GTF3C4: variants seen among roughly 807,000 people sequenced by gnomAD.
GTF3C4 encodes general transcription factor 3C polypeptide 4.
A neutral mutation model predicts 67.5 loss-of-function variants in GTF3C4; 28 were observed. That is an observed-to-expected ratio of 0.41 (90% CI 0.31 to 0.57). GTF3C4 has a LOEUF of 0.57. Ranked by LOEUF, GTF3C4 falls within the 20% of genes least tolerant of loss-of-function variation. The pLI, the probability that GTF3C4 is intolerant of heterozygous loss-of-function variation, is 0.21. For synonymous variants in GTF3C4, 409 were observed against 393.0 expected, an observed-to-expected ratio of 1.04 and a Z score of -0.48; for missense variants, 831 against 1,033.2, an observed-to-expected ratio of 0.80 and a Z score of 2.68.
Position 132,679,652 on chromosome 9 carries a change from C to T in GTF3C4, c.2033C>T (p.Ala678Val), listed in dbSNP as rs764755045. The change falls in exon 2 of 5, where the codon GCT becomes GTT. Residue 678 changes from alanine (A) to valine (V), a missense_variant. Around this residue, in one of 4 missense-constraint regions of GTF3C4, gnomAD observed 129 missense variants for 213.8 expected, o/e 0.60. Transcript: ENST00000372146. The surrounding 1 kb of genome is among the most constrained non-coding windows in gnomAD (Gnocchi z 5.9). ...CTGGAAATCCAAGGGAAAATCGAAG[C>T]TGTGGAGATGCACTTGACCAGGGAA... ...KLLEIQGKIE[A>V]VEMHLTREHM... is the part of the protein sequence containing the mutation. 6.2e-7 allele frequency: 1 copy of T among 1,614,174 alleles called. No homozygotes were observed. The highest frequency in any genetic ancestry group is 8.5e-7 in the Non-Finnish European group (1 of 1,180,044).
intron 1 of GTF3C4, among the ~76,000 whole-genome samples, 185 bp downstream of exon 1, chr9:132,671,140 C>T (rs1835737980): frequency 6.6e-6 from 1 of 152,056 alleles, no homozygotes; most frequent in Admixed American, 6.5e-5. Context: ...AGCTCTGCAG[C>T]TGTCTGCACC....
rs1835701087 is a variant in GTF3C4 at position 132,670,584 on chromosome 9, T to A, written c.-15T>A. The A allele has an allele frequency of 1.4e-6, 2 of 1,429,460 alleles. No homozygotes were observed. The highest frequency in any genetic ancestry group is 1.8e-6 in the Non-Finnish European group (2 of 1,097,776). 88.5% of individuals were successfully genotyped at this position (1,429,460 alleles called of 1,614,324 possible). A position where few individuals can be genotyped will look rare whatever the true frequency, so the allele number is the denominator to read the frequency against. On this transcript the variant is annotated 5_prime_UTR_variant, in exon 1 of 5. Coordinates refer to ENST00000372146, the MANE Select transcript of GTF3C4 (RefSeq NM_012204.4). The stretch of plus-strand genomic sequence containing the variant: ...GTGGAGCGCCAGGGCGTCCGACCTC[T>A]GCACCTGAGAGAAGATGAACACGGC...
intron 3 of GTF3C4, among the ~76,000 whole-genome samples, chr9:132,683,909 ATAG>A (rs1259239440): frequency 2.6e-5 from 4 of 152,162 alleles, no homozygotes; most frequent in Non-Finnish European, 5.9e-5. Flanking sequence ...TGCTTAATAT[ATAG>A]GAGTTTTCTT....
At chr9:132,675,614 G>C (rs886659322) in intron 1 of GTF3C4, among the ~76,000 whole-genome samples, 2 of 152,100 alleles carry the variant, frequency 1.3e-5, no homozygotes, top group African/African-American at 4.8e-5. Context: ...GGCTCAGTAG[G>C]TCTTTATAGT....
intron 1 of GTF3C4, among the ~76,000 whole-genome samples, chr9:132,672,956 G>A (rs1360415752): frequency 6.6e-6 from 1 of 152,156 alleles, no homozygotes; most frequent in African/African-American, 2.4e-5. Context: ...AGGCCGAGGC[G>A]AGCGGATCAC....
chr9:132,670,438 C>T (rs1056102307), upstream of GTF3C4: 5 of 955,408 alleles, frequency 5.2e-6, no homozygotes, highest in Non-Finnish European at 7.2e-6. Context: ...GGTAGGGCCG[C>T]GTTGCCTGGC....
At chr9:132,682,124 AG>A in intron 2 of GTF3C4, among the ~76,000 whole-genome samples, 1 of 152,178 alleles carries the variant, frequency 6.6e-6, no homozygotes, top group Non-Finnish European at 1.5e-5. Flanking sequence ...GAAAAAATAG[AG>A]GTATGTATGG....
intron 1 of GTF3C4, among the ~76,000 whole-genome samples, chr9:132,672,035 ACATCTTTCTGTTGTTAGATTGTTAGT>A (rs1835783955): frequency 6.6e-6 from 1 of 152,210 alleles, no homozygotes; most frequent in Non-Finnish European, 1.5e-5. Flanking sequence ...CAAGTTTCAA[ACATCTTTCTGTTGTTAGATTGTTAGT>A]CAGCTTGTAT....
At chr9:132,677,882 C>A in intron 1 of GTF3C4, 95 bp from the exon 2 acceptor site, 2 of 952,976 alleles carry the variant, frequency 2.1e-6, no homozygotes, top group South Asian at 3.2e-5. Flanking sequence ...ATATGGGAAC[C>A]AGGCTATGAA....
Position 132,688,444 on chromosome 9 carries a change from A to G in GTF3C4, c.2405-437A>G, listed in dbSNP as rs144104438. Among the ~76,000 whole-genome samples the G allele has an allele frequency of 1.1e-3, 168 of 152,356 alleles. 1 individual carries two copies. The highest frequency in any genetic ancestry group is 3.9e-3 in the African/African-American group (163 of 41,592). On this transcript the variant is annotated intron_variant, in intron 4 of 4. Coordinates refer to ENST00000372146, the MANE Select transcript of GTF3C4 (RefSeq NM_012204.4). ...GAAGAGCACTGGAGTAGAGTTTTTCATAGATGAAAGACGAGGAGGATTTGA... is the reference window on the plus strand; with the variant it reads ...GAAGAGCACTGGAGTAGAGTTTTTCGTAGATGAAAGACGAGGAGGATTTGA...
intron 2 of GTF3C4, among the ~76,000 whole-genome samples, chr9:132,682,342 AGCTAGT>A (rs1835958004): frequency 6.6e-6 from 1 of 152,178 alleles, no homozygotes; most frequent in Admixed American, 6.5e-5. Flanking sequence ...CCAACTTCTG[AGCTAGT>A]AAGACACCCT....
chr9:132,683,707 A>G lies in GTF3C4; in HGVS notation c.2315+14A>G. On this transcript the variant is annotated intron_variant, in intron 3 of 4. Coordinates refer to ENST00000372146, the MANE Select transcript of GTF3C4 (RefSeq NM_012204.4). ...CATTTGGCTCCGGTAAGCCATTTTAAAAGTTTCTACTTCTGCTCATTTTTC... is the reference window on the plus strand; with the variant it reads ...CATTTGGCTCCGGTAAGCCATTTTAGAAGTTTCTACTTCTGCTCATTTTTC... 2 of 1,601,042 alleles carry G rather than the reference A, an allele frequency of 1.2e-6. No individual in the cohort carries two copies. Among genetic ancestry groups the G allele is most frequent in the Non-Finnish European group, 1.7e-6 (2 of 1,176,072 alleles).
At chr9:132,681,966 T>TAAA (rs56402111) in intron 2 of GTF3C4, among the ~76,000 whole-genome samples, 45 of 114,722 alleles carry the variant, frequency 3.9e-4, no homozygotes, top group African/African-American at 8.4e-4. Context: ...CTACATAAAG[T>TAAA]AAAAAAAAAA....
chr9:132,685,877 TGTTA>T (rs1225975315), intron 3 of GTF3C4, among the ~76,000 whole-genome samples: 8 of 152,376 alleles, frequency 5.3e-5, no homozygotes, highest in Non-Finnish European at 5.9e-5. Flanking sequence ...CCTGGCTTTC[TGTTA>T]GTTAAGATTG....
chr9:132,683,316 C>T (rs547124584), intron 2 of GTF3C4, among the ~76,000 whole-genome samples: 3 of 152,164 alleles, frequency 2.0e-5, no homozygotes, highest in South Asian at 4.2e-4. Context: ...TACAGTTTAC[C>T]CTGTTATCAC....
intron 1 of GTF3C4, among the ~76,000 whole-genome samples, chr9:132,672,672 TAG>T (rs1161859217): frequency 2.6e-5 from 4 of 152,148 alleles, no homozygotes; most frequent in African/African-American, 9.7e-5. Flanking sequence ...TTCATTAGCA[TAG>T]AGTGACCTGC....
chr9:132,678,359 C>T lies in GTF3C4; in HGVS notation c.740C>T (p.Thr247Ile). 1 of 1,614,160 alleles carries T rather than the reference C, an allele frequency of 6.2e-7. No individual in the cohort carries two copies. Among genetic ancestry groups the T allele is most frequent in the East Asian group, 2.2e-5 (1 of 44,878 alleles). ...AEFQRRHSMQ[T>I]PVRMEWSGIC... ...TTTCAGAGGAGACACAGCATGCAGACCCCAGTCAGAATGGAGTGGTCGGGC... is the reference window on the plus strand; with the variant it reads ...TTTCAGAGGAGACACAGCATGCAGATCCCAGTCAGAATGGAGTGGTCGGGC... The change falls in exon 2 of 5, where the codon ACC becomes ATC. Residue 247 changes from threonine to isoleucine, a missense_variant. By Grantham distance (89) the Thr-to-Ile change is moderately conservative. This residue lies in a region of GTF3C4 where 390 missense variants were observed against 540.3 expected (regional missense o/e 0.72). Coordinates refer to ENST00000372146, the MANE Select transcript of GTF3C4 (RefSeq NM_012204.4). This position sits in a 1 kb window ranked among gnomAD's most constrained non-coding sequence, Gnocchi z 6.5.
intron 3 of GTF3C4, among the ~76,000 whole-genome samples, chr9:132,684,482 G>C (rs1835996087): frequency 6.6e-6 from 1 of 152,224 alleles, no homozygotes; most frequent in Non-Finnish European, 1.5e-5. Context: ...GATAGTGATT[G>C]TATCAAAACT....
intron 2 of GTF3C4, among the ~76,000 whole-genome samples, chr9:132,680,726 C>T (rs1049118875): frequency 3.3e-5 from 5 of 152,192 alleles, no homozygotes; most frequent in Admixed American, 6.5e-5. Flanking sequence ...TACACACGTT[C>T]GCCTTTGAAA....
Sources: allele counts gnomAD v4.1 joint callset (sites outside exome capture counted in the v4.1 genomes callset), GRCh38; gene constraint gnomAD v4.1.1; regional missense constraint gnomAD v4.1.1; non-coding constraint Gnocchi (gnomAD v3.1); transcripts MANE v1.5; gene names NCBI Gene and HGNC (gene_info 2026-07-23, HGNC 2026-07-21).